Variants in ADORA1 observed in about 807,000 individuals in gnomAD.
ADORA1 encodes adenosine A1 receptor.
In ADORA1, 6 loss-of-function variants were observed where a neutral mutation model predicts 19.9. The observed-to-expected ratio is 0.30, with a 90% CI of 0.17 to 0.59. The LOEUF is 0.59. Among genes scored for constraint, ADORA1 ranks in the 20% least tolerant of loss-of-function variants. The pLI, the probability that ADORA1 is intolerant of heterozygous loss-of-function variation, is 0.87. For synonymous variants in ADORA1, 194 were observed against 188.4 expected, an observed-to-expected ratio of 1.03 and a Z score of -0.24; for missense variants, 302 against 439.2, an observed-to-expected ratio of 0.69 and a Z score of 2.79.
At chr1:203,130,941 G>A (rs1482793365) in intron 3 of ADORA1, among the ~76,000 whole-genome samples, 1 of 152,188 alleles carries the variant, frequency 6.6e-6, no homozygotes, top group East Asian at 1.9e-4. Context: ...CCATGGGCCT[G>A]AGTTCAAATC....
intron 3 of ADORA1, chr1:203,150,566 C>A: frequency 7.9e-7 from 1 of 1,264,070 alleles, no homozygotes; most frequent in Non-Finnish European, 1.0e-6. Flanking sequence ...CTCTACACCC[C>A]TTTGCCTGGT....
At chr1:203,133,262 T>A (rs1654399681) in intron 3 of ADORA1, among the ~76,000 whole-genome samples, 1 of 152,134 alleles carries the variant, frequency 6.6e-6, no homozygotes. Context: ...TACAGGTGCA[T>A]GCCACCATGC....
intron 3 of ADORA1, among the ~76,000 whole-genome samples, chr1:203,160,743 C>T (rs1558138077): frequency 6.6e-6 from 1 of 152,082 alleles, no homozygotes; most frequent in African/African-American, 2.4e-5. Flanking sequence ...CCCAGGAGTT[C>T]GAGGTCACAG....
At chr1:203,141,727 C>T (rs1462714592) in intron 3 of ADORA1, among the ~76,000 whole-genome samples, 1 of 151,952 alleles carries the variant, frequency 6.6e-6, no homozygotes, top group East Asian at 1.9e-4. Context: ...ACTATAGGCT[C>T]ATGCCACCAC....
chr1:203,142,105 C>A (rs540663239), intron 3 of ADORA1, among the ~76,000 whole-genome samples: 118 of 152,172 alleles, frequency 7.8e-4, no homozygotes, highest in Non-Finnish European at 8.8e-4. Context: ...ATTCGTAATA[C>A]CTCCTTCCTA....
intron 3 of ADORA1, among the ~76,000 whole-genome samples, chr1:203,159,473 G>A (rs912378443): frequency 2.0e-5 from 3 of 152,032 alleles, no homozygotes; most frequent in Admixed American, 6.5e-5. Flanking sequence ...ACCTCTCCCC[G>A]ATGGTGCCTT....
In ADORA1 at chr1:203,165,181, T is replaced by C; in HGVS notation, c.342-80T>C. ...GGAGGGTGCTCCTCTTAGAGGCCCC[T>C]GGAGGCCAGGCGTGCCTCAGAGGGG... is the stretch of plus-strand genomic sequence containing the variant. On this transcript the variant is annotated intron_variant, in intron 3 of 3. Transcript: ENST00000337894. The surrounding 1 kb of genome is among the most constrained non-coding windows in gnomAD (Gnocchi z 5.9). 1 of 1,600,838 alleles carries C rather than the reference T, an allele frequency of 6.2e-7. No homozygotes were observed.
intron 3 of ADORA1, among the ~76,000 whole-genome samples, chr1:203,132,077 C>T (rs1421312620): frequency 6.6e-6 from 1 of 152,234 alleles, no homozygotes; most frequent in Non-Finnish European, 1.5e-5. Context: ...AAGAGATTCA[C>T]ACCATATAAT....
intron 3 of ADORA1, among the ~76,000 whole-genome samples, chr1:203,151,671 T>G (rs1655040204): frequency 6.6e-6 from 1 of 152,168 alleles, no homozygotes; most frequent in Non-Finnish European, 1.5e-5. Context: ...CCTCCCATTG[T>G]GCCCAGGACA....
At chr1:203,146,640 AAAGAG>A (rs974318628) in intron 3 of ADORA1, among the ~76,000 whole-genome samples, 1 of 151,776 alleles carries the variant, frequency 6.6e-6, no homozygotes, top group Admixed American at 6.6e-5. Context: ...AAAAAAAAAA[AAAGAG>A]AAAGAGAGAG....
At chr1:203,150,560 A>G (rs926907666) in intron 3 of ADORA1, 10 of 1,253,384 alleles carry the variant, frequency 8.0e-6, no homozygotes, top group African/African-American at 3.1e-5. Context: ...TTTGGGCTCT[A>G]CACCCCTTTG....
chr1:203,140,643 G>A (rs1449426643), intron 3 of ADORA1, among the ~76,000 whole-genome samples: 1 of 152,132 alleles, frequency 6.6e-6, no homozygotes, highest in Non-Finnish European at 1.5e-5. Flanking sequence ...CAGCAATCCA[G>A]ACATTCCCAG....
intron 3 of ADORA1, among the ~76,000 whole-genome samples, chr1:203,129,956 C>T (rs1654280138): frequency 1.3e-5 from 2 of 152,236 alleles, no homozygotes; most frequent in South Asian, 4.1e-4. Context: ...GTGTCCAGCC[C>T]ATGTTGGAGC....
intron 3 of ADORA1, among the ~76,000 whole-genome samples, chr1:203,149,764 T>G (rs1654975282): frequency 6.6e-6 from 1 of 152,242 alleles, no homozygotes; most frequent in Non-Finnish European, 1.5e-5. Context: ...CAGAATGGCT[T>G]CCTCTTACCA....
intron 3 of ADORA1, among the ~76,000 whole-genome samples, chr1:203,132,639 T>G (rs1261964570): frequency 2.0e-5 from 3 of 151,972 alleles, no homozygotes; most frequent in Non-Finnish European, 4.4e-5. Context: ...GACCAGGAGT[T>G]CGAGATCAGC....
At chr1:203,141,168 A>G (rs1280735515) in intron 3 of ADORA1, among the ~76,000 whole-genome samples, 1 of 152,256 alleles carries the variant, frequency 6.6e-6, no homozygotes, top group Non-Finnish European at 1.5e-5. Flanking sequence ...GGGGAGCCCC[A>G]GGGCTGGCAT....
intron 3 of ADORA1, among the ~76,000 whole-genome samples, chr1:203,154,634 G>A (rs961627536): frequency 9.9e-5 from 15 of 152,174 alleles, no homozygotes; most frequent in Non-Finnish European, 1.6e-4. Context: ...GTACACAGCT[G>A]GGACAGGGAG....
In ADORA1 at chr1:203,128,780, C is replaced by T; in HGVS notation, c.-57-5C>T. Reference sequence around the variant, plus strand: ...TCCCCATCCCAGGCTTCCCTGACCACACAGGTGCTTGCCTCGTGCCCCTTG... The same window carrying T: ...TCCCCATCCCAGGCTTCCCTGACCATACAGGTGCTTGCCTCGTGCCCCTTG... On this transcript the variant is annotated splice_region_variant and splice_polypyrimidine_tract_variant and intron_variant, in intron 2 of 3. Transcript: ENST00000337894. The surrounding 1 kb of genome is among the most constrained non-coding windows in gnomAD (Gnocchi z 5.9). The T allele has an allele frequency of 2.6e-6, 4 of 1,539,290 alleles. No homozygotes were observed. Among genetic ancestry groups the T allele is most frequent in the Non-Finnish European group, 3.5e-6 (4 of 1,147,686 alleles).
intron 3 of ADORA1, among the ~76,000 whole-genome samples, chr1:203,155,301 C>T (rs944561064): frequency 1.3e-5 from 2 of 152,132 alleles, no homozygotes; most frequent in Non-Finnish European, 2.9e-5. Flanking sequence ...CTTGGTCTCC[C>T]AAAGTGCTGG....
Sources: gnomAD v4.1 joint callset for allele counts (sites outside exome capture counted in the v4.1 genomes callset) on GRCh38, gnomAD v4.1.1 for gene constraint, Gnocchi (gnomAD v3.1) non-coding constraint, MANE v1.5 for transcripts, NCBI Gene and HGNC (gene_info 2026-07-23, HGNC 2026-07-21) for gene names.